Variants in MARCHF1 observed in about 807,000 individuals in gnomAD.
MARCHF1 encodes the protein E3 ubiquitin-protein ligase MARCHF1.
Under a neutral mutation model 54.2 loss-of-function variants are expected in MARCHF1, and 40 were observed. The ratio of observed to expected loss-of-function variants is 0.74; its 90% CI spans 0.57 to 0.96. The LOEUF (loss-of-function observed/expected upper bound fraction) is 0.96, where lower values mean the gene tolerates loss of function less well. Among genes scored for constraint, MARCHF1 ranks in the 40% least tolerant of loss-of-function variants. The pLI is 0.00. For missense variants in MARCHF1, 586 were observed against 656.5 expected (o/e 0.89, Z 1.17); for synonymous variants, 236 against 236.3 (o/e 1.00, Z 0.01).
At chr4:163,935,670 C>G (rs1454651123) in intron 3 of MARCHF1, among the ~76,000 whole-genome samples, 1 of 150,110 alleles carries the variant, frequency 6.7e-6, no homozygotes, top group Non-Finnish European at 1.5e-5. Flanking sequence ...AAACTTTCTC[C>G]ATATCAACAA....
intron 1 of MARCHF1, among the ~76,000 whole-genome samples, chr4:164,358,528 T>C (rs1340609874): frequency 1.3e-5 from 2 of 152,116 alleles, no homozygotes; most frequent in Non-Finnish European, 2.9e-5. Context: ...TTTACAGAAA[T>C]AAATGACATT....
intron 3 of MARCHF1, chr4:163,933,238 G>A: frequency 1.4e-6 from 1 of 723,970 alleles, no homozygotes; most frequent in Non-Finnish European, 2.4e-6. Context: ...TGATGCAGCA[G>A]AAGGGGCTGA....
chr4:163,797,762 T>C (rs187922896), intron 4 of MARCHF1, among the ~76,000 whole-genome samples: 35 of 152,260 alleles, frequency 2.3e-4, no homozygotes, highest in African/African-American at 8.2e-4. Flanking sequence ...AATCCATTCT[T>C]ATTTATCCAC....
At chr4:164,163,098 G>GA (rs1730283401) in intron 1 of MARCHF1, among the ~76,000 whole-genome samples, 1 of 151,774 alleles carries the variant, frequency 6.6e-6, no homozygotes, top group Non-Finnish European at 1.5e-5. Flanking sequence ...GTCATCAATA[G>GA]AATTACTCAA....
chr4:163,852,739 T>C (rs1749675073), intron 4 of MARCHF1, among the ~76,000 whole-genome samples: 1 of 152,186 alleles, frequency 6.6e-6, no homozygotes, highest in Non-Finnish European at 1.5e-5. Flanking sequence ...TTTCAGATGA[T>C]TTCTCTTAAT....
chr4:163,715,507 C>G (rs1745229545), intron 4 of MARCHF1, among the ~76,000 whole-genome samples: 2 of 152,174 alleles, frequency 1.3e-5, no homozygotes, highest in South Asian at 4.1e-4. Flanking sequence ...TCTGTATTAG[C>G]TGACTCTCCC....
chr4:164,312,319 CTTTTTT>C (rs34613860), intron 1 of MARCHF1, among the ~76,000 whole-genome samples: 10 of 103,442 alleles, frequency 9.7e-5, no homozygotes, highest in East Asian at 2.9e-4. Flanking sequence ...TTTTCTTTTT[CTTTTTT>C]TTTTTTTTTT....
At chr4:164,242,008 G>T (rs543867698) in intron 1 of MARCHF1, among the ~76,000 whole-genome samples, 1 of 152,126 alleles carries the variant, frequency 6.6e-6, no homozygotes, top group Non-Finnish European at 1.5e-5. Flanking sequence ...TTGCTAGCAC[G>T]GCAGTCTGAG....
chr4:163,650,856 T>C (rs1742937786), intron 5 of MARCHF1, among the ~76,000 whole-genome samples: 1 of 151,936 alleles, frequency 6.6e-6, no homozygotes, highest in Non-Finnish European at 1.5e-5. Flanking sequence ...CAACTGGATA[T>C]GTTGTCGTCG....
chr4:163,683,664 T>A (rs1388755032), intron 5 of MARCHF1, among the ~76,000 whole-genome samples: 1 of 152,188 alleles, frequency 6.6e-6, no homozygotes, highest in Non-Finnish European at 1.5e-5. Flanking sequence ...CAAAATCAGG[T>A]CTTCCTGCTG....
chr4:164,253,943 C>G (rs10007014), intron 1 of MARCHF1, among the ~76,000 whole-genome samples: 17,754 of 152,070 alleles, frequency 0.12, 1,624 homozygotes, highest in African/African-American at 0.25. Context: ...ATCTATATAA[C>G]ATTTTTGTAG....
intron 1 of MARCHF1, among the ~76,000 whole-genome samples, chr4:164,144,478 A>G (rs938562668): frequency 6.6e-6 from 1 of 151,970 alleles, no homozygotes; most frequent in South Asian, 2.1e-4. Context: ...GATCTCTCAG[A>G]CCACAGTGCA....
chr4:164,069,219 C>T (rs528622330), intron 2 of MARCHF1, among the ~76,000 whole-genome samples: 7 of 152,268 alleles, frequency 4.6e-5, no homozygotes, highest in Non-Finnish European at 7.4e-5. Flanking sequence ...CCTGTCAAAA[C>T]GGACCAATCA....
At chr4:164,151,790 C>CA (rs966994361) in intron 1 of MARCHF1, among the ~76,000 whole-genome samples, 2 of 151,866 alleles carry the variant, frequency 1.3e-5, no homozygotes, top group Non-Finnish European at 1.5e-5. Context: ...ACGCCCCCCC[C>CA]AAAAAAATAT....
rs372528328 is a variant in MARCHF1 at position 163,907,286 on chromosome 4, T to C, written c.-38-53117A>G. 1.3e-4 allele frequency among the ~76,000 whole-genome samples: 20 copies of C among 152,246 alleles called. No homozygotes were observed. The South Asian group carries it at 3.5e-3, about 27-fold the overall frequency. ...TGCAAATGAATGAAATATATTTTTATGTCTCAGTAAAAGGTTGTTGGTTTT... is the reference window on the plus strand; with the variant it reads ...TGCAAATGAATGAAATATATTTTTACGTCTCAGTAAAAGGTTGTTGGTTTT... On this transcript the variant is annotated intron_variant, in intron 3 of 9. Coordinates refer to ENST00000514618, the MANE Select transcript of MARCHF1 (RefSeq NM_001394959.1).
intron 5 of MARCHF1, among the ~76,000 whole-genome samples, chr4:163,643,380 G>T (rs906430917): frequency 2.8e-5 from 3 of 107,020 alleles, no homozygotes; most frequent in Admixed American, 9.1e-5. Flanking sequence ...TTGCTGTGTT[G>T]CCCAGGCTAG....
intron 2 of MARCHF1, among the ~76,000 whole-genome samples, chr4:163,999,734 A>T (rs944857746): frequency 6.6e-6 from 1 of 151,582 alleles, no homozygotes. Context: ...CAAATAATGT[A>T]GTAAGCATTC....
At chr4:163,812,518 G>T (rs138172170) in intron 4 of MARCHF1, among the ~76,000 whole-genome samples, 1 of 152,060 alleles carries the variant, frequency 6.6e-6, no homozygotes, top group Admixed American at 6.5e-5. Context: ...AGCACTTTGG[G>T]AAGTCAAGGC....
intron 3 of MARCHF1, among the ~76,000 whole-genome samples, chr4:163,903,195 T>C (rs1009395770): frequency 5.3e-5 from 8 of 152,070 alleles, no homozygotes; most frequent in Admixed American, 3.3e-4. Flanking sequence ...GTGTGGGAAG[T>C]GTAACTTTTG....
Sources: gnomAD v4.1 joint callset for allele counts (sites outside exome capture counted in the v4.1 genomes callset) on GRCh38, gnomAD v4.1.1 for gene constraint, MANE v1.5 for transcripts, NCBI Gene and HGNC (gene_info 2026-07-23, HGNC 2026-07-21) for gene names.